Variants in PLA2G4C observed in about 807,000 individuals in gnomAD.
The protein encoded by PLA2G4C is phospholipase A2 group IVC.
PLA2G4C carries 64 observed loss-of-function variants against 73.8 expected under a neutral mutation model. That is an observed-to-expected ratio of 0.87 (90% CI 0.71 to 1.07). The LOEUF is 1.07. Ranked by LOEUF, PLA2G4C falls within the 50% of genes least tolerant of loss-of-function variation. The probability of loss-of-function intolerance (pLI) is 0.00; values close to 1 mark genes in which losing one functional copy is unlikely to be tolerated. For synonymous variants in PLA2G4C, 254 were observed against 252.1 expected (o/e 1.01, Z -0.07); for missense variants, 622 against 665.4 (o/e 0.93, Z 0.72).
chr19:48,062,159 T>C lies in PLA2G4C; in HGVS notation c.1103-7A>G, dbSNP rs369271382. 7.8e-6 allele frequency: 12 copies of C among 1,546,952 alleles called. No homozygotes were observed. The highest frequency in any genetic ancestry group is 1.0e-5 in the Non-Finnish European group (12 of 1,145,068). ...ATCTTGTCCCGGATGCCACCTGTGG[T>C]GCCCAGGAAGAAAGAGGATCAGCTG... On this transcript the variant is annotated splice_region_variant and splice_polypyrimidine_tract_variant and intron_variant, in intron 13 of 16. Coordinates refer to ENST00000599921, the MANE Select transcript of PLA2G4C (RefSeq NM_003706.3).
intron 13 of PLA2G4C, among the ~76,000 whole-genome samples, chr19:48,065,279 G>T (rs949511281): frequency 1.4e-5 from 2 of 139,940 alleles, no homozygotes; most frequent in Non-Finnish European, 3.0e-5. Context: ...GGAGGGGTCG[G>T]GGGGGGGCTT....
intron 10 of PLA2G4C, among the ~76,000 whole-genome samples, chr19:48,079,451 G>C (rs1284680656): frequency 6.6e-6 from 1 of 152,088 alleles, no homozygotes; most frequent in Non-Finnish European, 1.5e-5. Flanking sequence ...AATGGTGCTG[G>C]GATAACTGGC....
At chr19:48,068,342 G>C (rs1968527644) in intron 12 of PLA2G4C, among the ~76,000 whole-genome samples, 1 of 147,984 alleles carries the variant, frequency 6.8e-6, no homozygotes, top group Non-Finnish European at 1.5e-5. Flanking sequence ...GGGTCATTCA[G>C]GATAACTGAG....
rs2030267127 is a variant in PLA2G4C, at chr19:48,077,799, A to T, written c.870T>A (p.Ser290Arg). ...IFARLLRLQE[S>R]SQGEHPPPED... Reference sequence around the variant, plus strand: ...CTGGGGGAGGATGTTCCCCTTGTGAACTTTCTTGCAGCCTCAGTAATCGGG... The same window carrying T: ...CTGGGGGAGGATGTTCCCCTTGTGATCTTTCTTGCAGCCTCAGTAATCGGG... The change falls in exon 11 of 17, where the codon AGT becomes AGA. Residue 290 changes from serine (S) to arginine (R), a missense_variant. Physicochemically the swap from Ser to Arg is moderately radical, Grantham distance 110. Coordinates refer to ENST00000599921, the MANE Select transcript of PLA2G4C (RefSeq NM_003706.3). The T allele has an allele frequency of 2.5e-6, 4 of 1,607,352 alleles. No individual in the cohort carries two copies. The highest frequency in any genetic ancestry group is 1.3e-5 in the African/African-American group (1 of 74,498).
intron 7 of PLA2G4C, among the ~76,000 whole-genome samples, chr19:48,094,796 T>G (rs1049140373): frequency 6.6e-6 from 1 of 152,188 alleles, no homozygotes. Flanking sequence ...TTGTTGTAAT[T>G]TTTTCTGGAA....
At chr19:48,064,145 T>C (rs750114389) in intron 13 of PLA2G4C, among the ~76,000 whole-genome samples, 3 of 152,106 alleles carry the variant, frequency 2.0e-5, no homozygotes, top group Non-Finnish European at 2.9e-5. Flanking sequence ...TTACTCTATT[T>C]TGGCCGGGCA....
intron 13 of PLA2G4C, chr19:48,063,693 C>T (rs1968292637): frequency 1.3e-5 from 2 of 150,544 alleles, no homozygotes; most frequent in Admixed American, 1.3e-4. Flanking sequence ...TAGTTCTGGC[C>T]GTGACAGGAA....
chr19:48,076,623 A>G (rs916720812), intron 11 of PLA2G4C, among the ~76,000 whole-genome samples: 4 of 152,030 alleles, frequency 2.6e-5, no homozygotes, highest in African/African-American at 9.7e-5. Flanking sequence ...GTTGCCTGTA[A>G]TCCCAGCTAT....
At chr19:48,067,177 T>G (rs1377128740) in intron 13 of PLA2G4C, among the ~76,000 whole-genome samples, 29 of 151,612 alleles carry the variant, frequency 1.9e-4, no homozygotes, top group African/African-American at 5.6e-4. Flanking sequence ...TGTGTTGTTT[T>G]TTTTTTTTTT....
chr19:48,101,104 CTATA>C (rs869065676), intron 4 of PLA2G4C, among the ~76,000 whole-genome samples: 67 of 103,342 alleles, frequency 6.5e-4, no homozygotes, highest in Non-Finnish European at 9.4e-4. Context: ...CACATAGAGT[CTATA>C]TATATATATA....
chr19:48,058,966 T>C (rs1968066077), intron 14 of PLA2G4C, among the ~76,000 whole-genome samples: 1 of 152,050 alleles, frequency 6.6e-6, no homozygotes, highest in Admixed American at 6.6e-5. Flanking sequence ...GTTACAGATA[T>C]GTCTTGCTTA....
chr19:48,090,471 G>C, intron 7 of PLA2G4C, 54 bp from the exon 8 acceptor site: 1 of 1,314,754 alleles, frequency 7.6e-7, no homozygotes, highest in Non-Finnish European at 1.1e-6. Context: ...TGACTGTCAT[G>C]TTTGATATTC....
chr19:48,091,865 CAG>C (rs1489990057), intron 7 of PLA2G4C, among the ~76,000 whole-genome samples: 1 of 110,826 alleles, frequency 9.0e-6, no homozygotes, highest in Non-Finnish European at 1.6e-5. Flanking sequence ...GCCTGGGAGA[CAG>C]AGTGAGACTC....
chr19:48,048,332 C>T lies in PLA2G4C; in HGVS notation c.*11G>A. 6.3e-7 allele frequency: 1 copy of T among 1,596,868 alleles called. No homozygotes were observed. Among genetic ancestry groups the T allele is most frequent in the Non-Finnish European group, 8.5e-7 (1 of 1,173,734 alleles). On this transcript the variant is annotated 3_prime_UTR_variant, in exon 17 of 17. Transcript: ENST00000599921. ...CAACAGGCCCACAGTGCCCTGGAAG[C>T]TGAGGCTCATCTATGCCAAGCAGCA... is the stretch of plus-strand genomic sequence containing the variant.
intron 10 of PLA2G4C, among the ~76,000 whole-genome samples, chr19:48,083,392 C>CTTTTTTTTTTTTTTTTTGTTTTTTTTTT (rs2030748245): frequency 9.4e-6 from 1 of 105,838 alleles, no homozygotes; most frequent in African/African-American, 3.6e-5. Flanking sequence ...ATTTTCTTTT[C>CTTTTTTTTTTTTTTTTTGTTTTTTTTTT]TTTTTTTTTT....
intron 9 of PLA2G4C, among the ~76,000 whole-genome samples, chr19:48,085,393 A>G (rs764837864): frequency 2.6e-5 from 4 of 152,174 alleles, no homozygotes; most frequent in Non-Finnish European, 5.9e-5. Context: ...GGCCATTTCA[A>G]GCTCCCTTCC....
intron 16 of PLA2G4C, among the ~76,000 whole-genome samples, chr19:48,050,616 G>A (rs1384384992): frequency 2.7e-5 from 4 of 147,960 alleles, no homozygotes; most frequent in African/African-American, 7.4e-5. Flanking sequence ...GTGGCAGGTT[G>A]AATAATGTCT....
intron 15 of PLA2G4C, among the ~76,000 whole-genome samples, chr19:48,054,068 A>T (rs1316310969): frequency 6.6e-6 from 1 of 152,130 alleles, no homozygotes; most frequent in Non-Finnish European, 1.5e-5. Flanking sequence ...GGTGGACAGG[A>T]TGACTCACTC....
chr19:48,065,774 A>T (rs1458793847), intron 13 of PLA2G4C, among the ~76,000 whole-genome samples: 1 of 152,118 alleles, frequency 6.6e-6, no homozygotes, highest in African/African-American at 2.4e-5. Flanking sequence ...AGCAGGCTTC[A>T]GAGAGAACAG....
Sources: allele counts gnomAD v4.1 joint callset (sites outside exome capture counted in the v4.1 genomes callset), GRCh38; gene constraint gnomAD v4.1.1; transcripts MANE v1.5; gene names NCBI Gene and HGNC (gene_info 2026-07-23, HGNC 2026-07-21).